The following HYDIN variants were observed in gnomAD, a reference collection of about 807,000 sequenced individuals.
HYDIN encodes the protein HYDIN axonemal central pair apparatus protein.
In HYDIN, 132 loss-of-function variants were observed where a neutral mutation model predicts 403.9. The observed-to-expected ratio is 0.33, with a 90% confidence interval of 0.28 to 0.38. The LOEUF is 0.38. Among genes scored for constraint, HYDIN ranks in the 10% least tolerant of loss-of-function variants. HYDIN has a pLI of 1.00. For missense variants in HYDIN, 2,827 were observed against 5,009.5 expected, an observed-to-expected ratio of 0.56 and a Z score of 13.15; for synonymous variants, 1,202 against 1,891.7, an observed-to-expected ratio of 0.64 and a Z score of 9.46.
intron 45 of HYDIN, among the ~76,000 whole-genome samples, chr16:70,931,445 G>A (rs1002013224): frequency 6.6e-6 from 1 of 152,016 alleles, no homozygotes; most frequent in African/African-American, 2.4e-5. Context: ...TGGCTGCTAC[G>A]CAACTGCTTA....
chr16:71,191,528 C>T (rs916530171), intron 1 of HYDIN, among the ~76,000 whole-genome samples: 2 of 152,130 alleles, frequency 1.3e-5, no homozygotes, highest in Non-Finnish European at 2.9e-5. Context: ...TAACACTGGT[C>T]AATCCAGCTG....
intron 45 of HYDIN, among the ~76,000 whole-genome samples, chr16:70,932,410 T>G (rs1504897): frequency 0.47 from 68,615 of 146,026 alleles, 13,849 homozygotes; most frequent in Non-Finnish European, 0.62. Flanking sequence ...AAACAAATAT[T>G]TTTGAGCACC....
intron 1 of HYDIN, among the ~76,000 whole-genome samples, chr16:71,213,698 T>C (rs936133708): frequency 1.3e-5 from 2 of 152,082 alleles, no homozygotes; most frequent in African/African-American, 4.8e-5. Flanking sequence ...CCTCAACAGA[T>C]GCAGAAAAAG....
chr16:71,073,010 C>T (rs1156767175), intron 13 of HYDIN, among the ~76,000 whole-genome samples: 1 of 152,016 alleles, frequency 6.6e-6, no homozygotes, highest in Non-Finnish European at 1.5e-5. Context: ...TGGCTGAAGA[C>T]GTGTTGAAAA....
chr16:70,850,776 A>T, intron 73 of HYDIN, 121 bp from the exon 74 acceptor site: 1 of 878,146 alleles, frequency 1.1e-6, no homozygotes, highest in Non-Finnish European at 1.7e-6. Context: ...AATTATGATG[A>T]CATTTTAAGA....
intron 1 of HYDIN, among the ~76,000 whole-genome samples, chr16:71,207,358 T>C (rs1401587740): frequency 6.6e-6 from 1 of 152,186 alleles, no homozygotes; most frequent in South Asian, 2.1e-4. Flanking sequence ...AATAAGACCC[T>C]TTTCAGACAA....
At chr16:70,854,215 T>C (rs1429872319) in intron 73 of HYDIN, among the ~76,000 whole-genome samples, 1 of 152,082 alleles carries the variant, frequency 6.6e-6, no homozygotes, top group African/African-American at 2.4e-5. Context: ...CATGTGAATT[T>C]ACAATTACTT....
At chr16:71,003,072 A>C (rs959114414) in intron 23 of HYDIN, among the ~76,000 whole-genome samples, 4 of 151,998 alleles carry the variant, frequency 2.6e-5, no homozygotes, top group African/African-American at 9.7e-5. Context: ...AAATATTTCA[A>C]TTTTGTCATG....
rs547767780 is a variant in HYDIN at position 71,118,519 on chromosome 16, T to C, written c.1228-2724A>G. 3.9e-5 allele frequency among the ~76,000 whole-genome samples: 6 copies of C among 152,252 alleles called. No individual in the cohort carries two copies. The East Asian group carries it at 1.2e-3, about 29-fold the overall frequency. Reference sequence around the variant, plus strand: ...CTGTGTAGTCAGTAGCAGACACCTATTCATCTCTGCAACCTACTTCTACCA... The same window carrying C: ...CTGTGTAGTCAGTAGCAGACACCTACTCATCTCTGCAACCTACTTCTACCA... On this transcript the variant is annotated intron_variant, in intron 9 of 85. Transcript: ENST00000393567.
At chr16:71,043,526 A>G (rs1319619717) in intron 18 of HYDIN, among the ~76,000 whole-genome samples, 1 of 148,768 alleles carries the variant, frequency 6.7e-6, no homozygotes, top group Non-Finnish European at 1.5e-5. Flanking sequence ...CAGATATTCT[A>G]TCAAATTTTA....
chr16:71,038,703 C>T (rs1364386086), intron 18 of HYDIN, among the ~76,000 whole-genome samples: 1 of 152,296 alleles, frequency 6.6e-6, no homozygotes, highest in African/African-American at 2.4e-5. Context: ...CTCTGTCACC[C>T]AGGCTAGAGT....
At chr16:71,170,553 G>C (rs2144626540) in intron 5 of HYDIN, among the ~76,000 whole-genome samples, 1 of 152,154 alleles carries the variant, frequency 6.6e-6, no homozygotes, top group East Asian at 1.9e-4. Context: ...ACCTTGTCTG[G>C]ATCTTGATTT....
chr16:70,828,841 G>A lies in HYDIN; in HGVS notation c.14113-412C>T, dbSNP rs1235006472. On this transcript the variant is annotated intron_variant, in intron 81 of 85. Coordinates refer to ENST00000393567, the MANE Select transcript of HYDIN (RefSeq NM_001270974.2). Reference sequence around the variant, plus strand: ...AATAGAAAAATGCTACTGCTATACCGTAAAGTGAAAACAAACTGAATGTAA... The same window carrying A: ...AATAGAAAAATGCTACTGCTATACCATAAAGTGAAAACAAACTGAATGTAA... 6.0e-5 allele frequency among the ~76,000 whole-genome samples: 9 copies of A among 150,918 alleles called. No homozygotes were observed. In the East Asian group the frequency reaches 1.6e-3, roughly 26 times the overall value.
At chr16:70,967,104 C>T (rs1243794930) in intron 36 of HYDIN, among the ~76,000 whole-genome samples, 3 of 151,908 alleles carry the variant, frequency 2.0e-5, no homozygotes, top group Non-Finnish European at 4.4e-5. Flanking sequence ...AATTAAGAGG[C>T]CGTTTCAAAG....
At chr16:71,023,985 T>C (rs1288609260) in intron 21 of HYDIN, among the ~76,000 whole-genome samples, 3 of 152,210 alleles carry the variant, frequency 2.0e-5, no homozygotes, top group African/African-American at 7.2e-5. Flanking sequence ...TGTGGGGCAG[T>C]GACTTACTTA....
At chr16:70,820,782 G>A (rs531885011) in intron 83 of HYDIN, among the ~76,000 whole-genome samples, 1 of 151,968 alleles carries the variant, frequency 6.6e-6, no homozygotes, top group African/African-American at 2.4e-5. Context: ...CCGAGTAGCT[G>A]AGATTACATG....
At chr16:70,995,410 A>G (rs1248490844) in intron 23 of HYDIN, among the ~76,000 whole-genome samples, 2 of 152,212 alleles carry the variant, frequency 1.3e-5, no homozygotes, top group Non-Finnish European at 2.9e-5. Flanking sequence ...TGTAGCTGCC[A>G]GAGAATCACA....
chr16:71,055,034 T>C (rs1469124081), intron 18 of HYDIN, among the ~76,000 whole-genome samples: 1 of 152,308 alleles, frequency 6.6e-6, no homozygotes, highest in African/African-American at 2.4e-5. Context: ...AAATACTCCT[T>C]AATTTCTTCT....
At chr16:71,101,788 C>A (rs1055704751) in intron 10 of HYDIN, among the ~76,000 whole-genome samples, 1 of 152,086 alleles carries the variant, frequency 6.6e-6, no homozygotes, top group African/African-American at 2.4e-5. Flanking sequence ...GTCTGATTAC[C>A]TAGTAAACCT....
Sources: allele counts gnomAD v4.1 joint callset (sites outside exome capture counted in the v4.1 genomes callset), GRCh38; gene constraint gnomAD v4.1.1; transcripts MANE v1.5; gene names NCBI Gene and HGNC (gene_info 2026-07-23, HGNC 2026-07-21).